LY96: variants seen among roughly 807,000 people sequenced by gnomAD.
LY96 encodes lymphocyte antigen 96, also known as myeloid differentiation protein-2.
In LY96, 18 loss-of-function variants were observed where a neutral mutation model predicts 18.9. The ratio of observed to expected loss-of-function variants is 0.95; its 90% confidence interval spans 0.66 to 1.41. LY96 has a LOEUF of 1.41. Among genes scored for constraint, LY96 ranks in the 40% most tolerant of loss-of-function variants. The pLI is 0.00. For synonymous variants in LY96, 66 were observed against 62.6 expected (o/e 1.06, Z -0.26); for missense variants, 175 against 182.4 (o/e 0.96, Z 0.23).
chr8:73,996,341 C>T (rs574208694), intron 1 of LY96, among the ~76,000 whole-genome samples: 6 of 131,604 alleles, frequency 4.6e-5, no homozygotes, highest in Admixed American at 2.4e-4. Context: ...TCCTTCCTTC[C>T]TTCCTTCCTT....
chr8:73,991,503 C>G lies in LY96; in HGVS notation c.61C>G (p.Gln21Glu), dbSNP rs772975875. 6.2e-6 allele frequency: 10 copies of G among 1,613,440 alleles called. No individual in the cohort carries two copies. The highest frequency in any genetic ancestry group is 5.1e-6 in the Non-Finnish European group (6 of 1,179,458). The change falls in exon 1 of 5, where the codon CAG becomes GAG. Residue 21 changes from glutamine (Q) to glutamate (E), a missense_variant. Coordinates refer to ENST00000284818, the MANE Select transcript of LY96 (RefSeq NM_015364.5). ...FSSIFTEAQK[Q>E]YWVCNSSDAS... ...TTCCATATTTACTGAAGCTCAGAAG[C>G]AGTATTGGGTCTGCAACTCATCCGA...
Position 74,027,568 on chromosome 8 carries a change from C to CA in LY96, c.384+730dup, listed in dbSNP as rs1054487501. Among the ~76,000 whole-genome samples the CA allele has an allele frequency of 2.8e-4, 43 of 152,154 alleles. 1 individual carries two copies. Among genetic ancestry groups the CA allele is most frequent in the African/African-American group, 9.4e-4 (39 of 41,500 alleles). On this transcript the variant is annotated intron_variant, in intron 4 of 4. Coordinates refer to ENST00000284818, the MANE Select transcript of LY96 (RefSeq NM_015364.5). Reference sequence around the variant, plus strand: ...GATCCACCCACCTTTGTTCCTGGACCAAACTGAGGGTCGGGCTGCCATTTC... The same window carrying CA: ...GATCCACCCACCTTTGTTCCTGGACCAAAACTGAGGGTCGGGCTGCCATTTC...
chr8:74,081,050 T>TTCTCTTTCTC, the LY96 span, among the ~76,000 whole-genome samples: 1 of 110,054 alleles, frequency 9.1e-6, no homozygotes, highest in African/African-American at 4.5e-5. Context: ...TTCTTTCTTT[T>TTCTCTTTCTC]TCTTTCTTTC....
At chr8:74,002,257 C>T (rs894320985) in intron 1 of LY96, among the ~76,000 whole-genome samples, 11 of 151,460 alleles carry the variant, frequency 7.3e-5, no homozygotes, top group Non-Finnish European at 1.0e-4. Flanking sequence ...ATGCCTCAGC[C>T]TCCTGAGTAG....
chr8:74,054,617 CTTCT>C, the LY96 span, among the ~76,000 whole-genome samples: 5,735 of 69,920 alleles, frequency 0.082, 206 homozygotes, highest in Non-Finnish European at 0.091. Flanking sequence ...TTTCCTTTTC[CTTCT>C]TTCTTTCTTT....
At chr8:74,098,055 CT>C in the LY96 span, among the ~76,000 whole-genome samples, 1 of 152,178 alleles carries the variant, frequency 6.6e-6, no homozygotes, top group African/African-American at 2.4e-5. Context: ...GTCAGGTAAG[CT>C]TTTCCAATAA....
the LY96 span, among the ~76,000 whole-genome samples, chr8:74,083,849 G>A: frequency 3.3e-5 from 5 of 151,812 alleles, no homozygotes; most frequent in Admixed American, 6.6e-5. Flanking sequence ...GTGCCCCCAT[G>A]CCTGGCTAAT....
chr8:74,082,261 T>C, the LY96 span, among the ~76,000 whole-genome samples: 1 of 152,222 alleles, frequency 6.6e-6, no homozygotes, highest in Non-Finnish European at 1.5e-5. Flanking sequence ...ACTCTTTCTT[T>C]ATCTTCTTTC....
intron 1 of LY96, among the ~76,000 whole-genome samples, chr8:73,991,851 A>G (rs2131246295): frequency 6.6e-6 from 1 of 151,928 alleles, no homozygotes; most frequent in East Asian, 1.9e-4. Flanking sequence ...CATTTTTAAT[A>G]AAACCATCTG....
the LY96 span, among the ~76,000 whole-genome samples, chr8:74,034,726 T>C: frequency 6.6e-6 from 1 of 152,304 alleles, no homozygotes; most frequent in East Asian, 1.9e-4. Context: ...GGGTCCAATT[T>C]GTTTTTCACT....
At chr8:74,029,420 C>A (rs1429022793), downstream of LY96, among the ~76,000 whole-genome samples, 1 of 152,160 alleles carries the variant, frequency 6.6e-6, no homozygotes, top group African/African-American at 2.4e-5. Flanking sequence ...ATGGGGGACC[C>A]AGTGGGAGGT....
At chr8:74,040,983 T>C in the LY96 span, among the ~76,000 whole-genome samples, 34 of 152,164 alleles carry the variant, frequency 2.2e-4, no homozygotes. Flanking sequence ...TTTGAAACTA[T>C]TATGAATCTG....
chr8:74,034,458 A>T, the LY96 span, among the ~76,000 whole-genome samples: 159 of 152,318 alleles, frequency 1.0e-3, no homozygotes, highest in Admixed American at 2.3e-3. Flanking sequence ...ATTAGATTTC[A>T]GCCCCAACTT....
At chr8:74,054,691 T>C in the LY96 span, among the ~76,000 whole-genome samples, 1 of 145,070 alleles carries the variant, frequency 6.9e-6, no homozygotes, top group African/African-American at 2.6e-5. Context: ...TGAGATGGGG[T>C]TTCACTCTGT....
the LY96 span, among the ~76,000 whole-genome samples, chr8:74,089,296 C>G: frequency 6.6e-6 from 1 of 152,186 alleles, no homozygotes; most frequent in Non-Finnish European, 1.5e-5. Flanking sequence ...AGACTGGCTA[C>G]ATAATTTGTG....
the LY96 span, among the ~76,000 whole-genome samples, chr8:74,082,994 T>C: frequency 6.6e-6 from 1 of 152,104 alleles, no homozygotes; most frequent in South Asian, 2.1e-4. Flanking sequence ...CCTGCTTCTG[T>C]TGTTTTCTCA....
At chr8:74,061,957 C>T in the LY96 span, among the ~76,000 whole-genome samples, 8 of 152,128 alleles carry the variant, frequency 5.3e-5, no homozygotes, top group Non-Finnish European at 1.2e-4. Flanking sequence ...ACAGTGCACA[C>T]ACAAAAAAAG....
In LY96 at chr8:74,010,202, A is replaced by T. The variant is rs561809080; in HGVS notation, c.331+73A>T. Reference sequence around the variant, plus strand: ...TGAAAATGTTATGAAAATTAAATACATTGAAAATGGGAAGTTCCTTTTCTG... The same window carrying T: ...TGAAAATGTTATGAAAATTAAATACTTTGAAAATGGGAAGTTCCTTTTCTG... On this transcript the variant is annotated intron_variant, in intron 3 of 4. Coordinates refer to ENST00000284818, the MANE Select transcript of LY96 (RefSeq NM_015364.5). The T allele has an allele frequency of 7.8e-6, 11 of 1,404,408 alleles. No homozygotes were observed. In the South Asian group the frequency reaches 1.3e-4, roughly 17 times the overall value. 87.0% of individuals were successfully genotyped at this position (1,404,408 alleles called of 1,614,324 possible).
intron 3 of LY96, among the ~76,000 whole-genome samples, chr8:74,019,074 AG>A (rs1279246385): frequency 1.3e-5 from 2 of 152,226 alleles, no homozygotes; most frequent in Admixed American, 1.3e-4. Context: ...AACTAAGATC[AG>A]AGCAGAACTG....
Sources: gnomAD v4.1 joint callset for allele counts (sites outside exome capture counted in the v4.1 genomes callset) on GRCh38, gnomAD v4.1.1 for gene constraint, MANE v1.5 for transcripts, NCBI Gene and HGNC (gene_info 2026-07-23, HGNC 2026-07-21) for gene names.